Variants in TAOK3 observed in about 807,000 individuals in gnomAD.
TAOK3 encodes serine/threonine-protein kinase TAO3.
TAOK3 carries 40 observed loss-of-function variants against 120.4 expected under a neutral mutation model. That is an observed-to-expected ratio of 0.33 (90% CI 0.26 to 0.43). The LOEUF (loss-of-function observed/expected upper bound fraction) is 0.43. TAOK3 is among the 20% of genes least tolerant of loss of function. TAOK3 has a pLI of 1.00. For missense variants in TAOK3, 821 were observed against 1,112.1 expected, an observed-to-expected ratio of 0.74 and a Z score of 3.72; for synonymous variants, 355 against 387.5, an observed-to-expected ratio of 0.92 and a Z score of 0.99.
At chr12:118,233,808 C>A (rs2039891734) in intron 8 of TAOK3, 43 bp from the exon 9 acceptor site, 1 of 1,371,298 alleles carries the variant, frequency 7.3e-7, no homozygotes. Context: ...AGATTAAAAA[C>A]AAAATTTCTC....
In TAOK3 at chr12:118,290,888, GTTTAC is replaced by G. The variant is rs199667673; in HGVS notation, c.-193-24134_-193-24130del. 4.0e-4 allele frequency among the ~76,000 whole-genome samples: 60 copies of G among 150,482 alleles called. No individual in the cohort carries two copies. The East Asian group carries it at 0.011, about 28-fold the overall frequency. On this transcript the variant is annotated intron_variant, in intron 1 of 20. Transcript: ENST00000392533. The stretch of plus-strand genomic sequence containing the variant: ...CATCATATGTCAAAAGTATTAGGGC[GTTTAC>G]TTTTTTTTTTTTTTTCCTGAGACGG...
chr12:118,340,173 T>C (rs2044554221), intron 1 of TAOK3, among the ~76,000 whole-genome samples: 1 of 152,230 alleles, frequency 6.6e-6, no homozygotes, highest in South Asian at 2.1e-4. Context: ...CATATTTCTG[T>C]GTATATATAC....
intron 1 of TAOK3, among the ~76,000 whole-genome samples, chr12:118,303,350 G>A (rs1226687861): frequency 6.6e-6 from 1 of 152,080 alleles, no homozygotes; most frequent in Non-Finnish European, 1.5e-5. Flanking sequence ...TATGAGGACA[G>A]GATTTTCAAT....
At chr12:118,350,093 T>G (rs2141210476) in intron 1 of TAOK3, among the ~76,000 whole-genome samples, 1 of 152,332 alleles carries the variant, frequency 6.6e-6, no homozygotes, top group East Asian at 1.9e-4. Flanking sequence ...TCCTAAACTG[T>G]ATTGAATAGC....
intron 9 of TAOK3, among the ~76,000 whole-genome samples, chr12:118,228,237 C>T (rs553356695): frequency 2.6e-5 from 4 of 151,468 alleles, no homozygotes; most frequent in Non-Finnish European, 5.9e-5. Context: ...CTGCAACCTC[C>T]GCCTTCTGGG....
chr12:118,288,331 AT>A (rs901827944), intron 1 of TAOK3, among the ~76,000 whole-genome samples: 33 of 152,126 alleles, frequency 2.2e-4, no homozygotes, highest in South Asian at 1.9e-3. Flanking sequence ...ATGTGACTGT[AT>A]TTGGAGATAG....
chr12:118,196,602 A>G (rs2037741852), intron 13 of TAOK3, among the ~76,000 whole-genome samples: 1 of 152,170 alleles, frequency 6.6e-6, no homozygotes, highest in African/African-American at 2.4e-5. Context: ...ATATTCATAT[A>G]TTTTGGTATT....
rs1425599141 is a variant in TAOK3 at position 118,238,169 on chromosome 12, A to G, written c.341T>C (p.Val114Ala). ...CLGSASDLLE[V>A]HKKPLQEVEI... ...CACTTCCTGAAGTGGTTTTTTATGA[A>G]CTGAGGAAGGAAAAAAAAAAAAGTC... is the stretch of plus-strand genomic sequence containing the variant. Residue 114 changes from valine to alanine, a missense_variant and splice_region_variant, in exon 7 of 21, where the codon GTT becomes GCT. By Grantham distance (64) the Val-to-Ala change is moderately conservative (BLOSUM62 0). This residue lies in a region of TAOK3 where 467 missense variants were observed against 540.0 expected (regional missense o/e 0.86). Coordinates refer to ENST00000392533, the MANE Select transcript of TAOK3 (RefSeq NM_016281.4). 6.3e-7 allele frequency: 1 copy of G among 1,599,288 alleles called. No homozygotes were observed. Among genetic ancestry groups the G allele is most frequent in the East Asian group, 2.2e-5 (1 of 44,780 alleles).
At chr12:118,287,922 A>G (rs1056621269) in intron 1 of TAOK3, among the ~76,000 whole-genome samples, 2 of 152,156 alleles carry the variant, frequency 1.3e-5, no homozygotes, top group African/African-American at 4.8e-5. Flanking sequence ...CTCTGTATTT[A>G]TAACTTTTGA....
intron 1 of TAOK3, among the ~76,000 whole-genome samples, chr12:118,353,905 G>C (rs2045286183): frequency 6.6e-6 from 1 of 151,902 alleles, no homozygotes; most frequent in African/African-American, 2.4e-5. Flanking sequence ...TTCCTTGTTT[G>C]GTTTAGTGAA....
At chr12:118,364,913 A>C (rs2045702949) in intron 1 of TAOK3, among the ~76,000 whole-genome samples, 1 of 152,176 alleles carries the variant, frequency 6.6e-6, no homozygotes, top group Non-Finnish European at 1.5e-5. Flanking sequence ...TCAAAAACAT[A>C]ATAAACAGCT....
intron 1 of TAOK3, among the ~76,000 whole-genome samples, chr12:118,361,646 C>T (rs769288574): frequency 4.6e-5 from 7 of 151,714 alleles, no homozygotes; most frequent in East Asian, 3.9e-4. Flanking sequence ...TTAGTAGAGA[C>T]GGGGGTTTCA....
chr12:118,369,914 C>T (rs1033086076), intron 1 of TAOK3, among the ~76,000 whole-genome samples: 8 of 152,036 alleles, frequency 5.3e-5, no homozygotes, highest in Non-Finnish European at 8.8e-5. Context: ...CCTGCTCTGT[C>T]GCCAGGCTGG....
chr12:118,164,314 G>A (rs1277309813), intron 17 of TAOK3, among the ~76,000 whole-genome samples: 5 of 149,980 alleles, frequency 3.3e-5, no homozygotes, highest in African/African-American at 9.8e-5. Flanking sequence ...GGGACAGAGC[G>A]AGACTCCGTC....
intron 19 of TAOK3, 135 bp from the exon 20 acceptor site, chr12:118,152,544 C>T: frequency 2.6e-6 from 2 of 774,826 alleles, no homozygotes; most frequent in East Asian, 2.5e-5. Context: ...CACAGATGCT[C>T]TGGGTACATT....
At chr12:118,219,856 T>A (rs2039140410) in intron 9 of TAOK3, among the ~76,000 whole-genome samples, 1 of 145,670 alleles carries the variant, frequency 6.9e-6, no homozygotes, top group African/African-American at 2.5e-5. Flanking sequence ...TCAAGCGATC[T>A]GCCCGCCCCA....
At chr12:118,246,602 G>T (rs11068883) in intron 3 of TAOK3, 48,317 of 1,572,760 alleles carry the variant, frequency 0.031, 1,990 homozygotes, top group East Asian at 0.2. Flanking sequence ...GGGGGAACAA[G>T]ATCGGCAAGC....
intron 11 of TAOK3, among the ~76,000 whole-genome samples, chr12:118,204,020 C>A (rs1157261104): frequency 6.6e-6 from 1 of 152,070 alleles, no homozygotes; most frequent in Non-Finnish European, 1.5e-5. Context: ...AATCCCAGCA[C>A]TTTGGAAGGC....
At chr12:118,224,095 A>G (rs1374729770) in intron 9 of TAOK3, among the ~76,000 whole-genome samples, 1 of 152,236 alleles carries the variant, frequency 6.6e-6, no homozygotes, top group Non-Finnish European at 1.5e-5. Context: ...TAGCTTGTCA[A>G]GATAGGTATT....
Sources: gnomAD v4.1 joint callset for allele counts (sites outside exome capture counted in the v4.1 genomes callset) on GRCh38, gnomAD v4.1.1 for gene constraint, gnomAD v4.1.1 regional missense constraint, MANE v1.5 for transcripts, NCBI Gene and HGNC (gene_info 2026-07-23, HGNC 2026-07-21) for gene names.